POC1B: variants seen among roughly 807,000 people sequenced by gnomAD.
POC1B encodes POC1 centriolar protein B.
POC1B carries 44 observed loss-of-function variants against 60.6 expected under a neutral mutation model. The ratio of observed to expected loss-of-function variants is 0.73; its 90% CI spans 0.57 to 0.93. The LOEUF (loss-of-function observed/expected upper bound fraction) is 0.93, where lower values mean the gene tolerates loss of function less well. POC1B is among the 40% of genes least tolerant of loss of function. POC1B has a pLI of 0.00. For synonymous variants in POC1B, 180 were observed against 198.9 expected (o/e 0.90, Z 0.80); for missense variants, 555 against 572.3 (o/e 0.97, Z 0.31).
At chr12:89,475,174 G>A (rs1369200613) in intron 4 of POC1B, among the ~76,000 whole-genome samples, 2 of 152,170 alleles carry the variant, frequency 1.3e-5, no homozygotes, top group African/African-American at 4.8e-5. Flanking sequence ...GCTCCATAGA[G>A]GAAACAGGAT....
chr12:89,509,179 AT>A (rs1213283686), intron 2 of POC1B, among the ~76,000 whole-genome samples: 1 of 152,142 alleles, frequency 6.6e-6, no homozygotes, highest in African/African-American at 2.4e-5. Context: ...ATTTTCCTCC[AT>A]TTATCTGTTT....
At chr12:89,488,643 C>T (rs1336581501) in intron 4 of POC1B, among the ~76,000 whole-genome samples, 14 of 152,040 alleles carry the variant, frequency 9.2e-5, no homozygotes, top group Admixed American at 5.2e-4. Context: ...CCTGCCACCA[C>T]GCCCAGCTAA....
rs545293287 is a variant in POC1B, at chr12:89,503,508, C to T, written c.101-6166G>A. Among the ~76,000 whole-genome samples the T allele has an allele frequency of 3.0e-3, 460 of 152,302 alleles. 4 individuals carry two copies. Among genetic ancestry groups the T allele is most frequent in the African/African-American group, 0.011 (450 of 41,564 alleles). On this transcript the variant is annotated intron_variant, in intron 2 of 11. Transcript: ENST00000313546. Reference sequence around the variant, plus strand: ...CGCCTGCCTTGGCCTCCCAAAGTGCCAAGACTGCAGCCTCTGCCTGGCTGC... The same window carrying T: ...CGCCTGCCTTGGCCTCCCAAAGTGCTAAGACTGCAGCCTCTGCCTGGCTGC...
At chr12:89,494,834 G>A (rs978402946) in intron 3 of POC1B, among the ~76,000 whole-genome samples, 11 of 152,194 alleles carry the variant, frequency 7.2e-5, no homozygotes, top group Non-Finnish European at 1.5e-4. Context: ...CCAGGCATAC[G>A]AATGAGGAAC....
intron 2 of POC1B, chr12:89,519,585 C>T (rs758222289): frequency 7.9e-5 from 12 of 152,450 alleles, no homozygotes; most frequent in Non-Finnish European, 1.2e-4. Flanking sequence ...AACAGGAATT[C>T]AAAAGGACAA....
rs1397699394 is a variant in POC1B at position 89,526,030 on chromosome 12, A to T, written c.-135T>A. ...AGCGGCAGCGCCTCCCGGTCACTAC[A>T]ACAACGGCGGCCCAGTCAAACCCCG... is the stretch of plus-strand genomic sequence containing the variant. On this transcript the variant is annotated 5_prime_UTR_variant, in exon 1 of 12. Transcript: ENST00000313546. The T allele has an allele frequency of 1.3e-6, 2 of 1,535,630 alleles. No homozygotes were observed. Among genetic ancestry groups the T allele is most frequent in the African/African-American group, 1.4e-5 (1 of 72,912 alleles).
At chr12:89,467,770 C>A in intron 7 of POC1B, 85 bp from the exon 8 acceptor site, 2 of 1,034,804 alleles carry the variant, frequency 1.9e-6, no homozygotes, top group East Asian at 2.6e-5. Context: ...AATTTCTCAT[C>A]CTAATTTATG....
intron 2 of POC1B, among the ~76,000 whole-genome samples, chr12:89,510,155 G>GT (rs1479447244): frequency 1.3e-5 from 2 of 152,022 alleles, no homozygotes; most frequent in Admixed American, 6.5e-5. Context: ...AGCCTGTTTC[G>GT]TTTTTTTAAC....
chr12:89,462,398 A>G (rs903743888), intron 9 of POC1B, among the ~76,000 whole-genome samples: 1 of 152,162 alleles, frequency 6.6e-6, no homozygotes, highest in Non-Finnish European at 1.5e-5. Flanking sequence ...TATAACTGGG[A>G]CTAATGAATG....
At chr12:89,421,330 A>T in intron 11 of POC1B, 73 bp from the exon 12 acceptor site, 1 of 1,273,322 alleles carries the variant, frequency 7.9e-7, no homozygotes, top group Non-Finnish European at 1.1e-6. Context: ...ATCTCTGCAT[A>T]GGAAATCCTT....
intron 3 of POC1B, 194 bp downstream of exon 3, chr12:89,496,977 T>G (rs527305245): frequency 3.4e-5 from 20 of 595,990 alleles, no homozygotes; most frequent in African/African-American, 3.3e-4. Context: ...TGGTAGGAAA[T>G]AGTTTTCAAA....
rs192364698 is a variant in POC1B, at chr12:89,451,602, G to A, written c.1113+8036C>T. 3.1e-3 allele frequency among the ~76,000 whole-genome samples: 473 copies of A among 152,250 alleles called. 2 individuals carry two copies. The Middle Eastern group carries it at 0.037, about 12-fold the overall frequency. On this transcript the variant is annotated intron_variant, in intron 10 of 11. Coordinates refer to ENST00000313546, the MANE Select transcript of POC1B (RefSeq NM_172240.3). Reference sequence around the variant, plus strand: ...TGAAAGACATGGAAAGAACTAGGCCGGGACCAGCACTGGGCCTTAATAACC... The same window carrying A: ...TGAAAGACATGGAAAGAACTAGGCCAGGACCAGCACTGGGCCTTAATAACC...
intron 3 of POC1B, chr12:89,496,967 T>G: frequency 1.8e-6 from 1 of 560,622 alleles, no homozygotes; most frequent in Non-Finnish European, 3.1e-6. Context: ...CATATTTCCA[T>G]GGTAGGAAAT....
chr12:89,437,127 C>T (rs1434384842), intron 10 of POC1B, among the ~76,000 whole-genome samples: 3 of 152,182 alleles, frequency 2.0e-5, no homozygotes, highest in Non-Finnish European at 2.9e-5. Flanking sequence ...CTCGATCAGA[C>T]AGTTGTCACC....
At chr12:89,501,574 G>A (rs775136561) in intron 2 of POC1B, 57 of 1,357,888 alleles carry the variant, frequency 4.2e-5, no homozygotes, top group Non-Finnish European at 5.6e-5. Flanking sequence ...CACTAGAAAA[G>A]ATAAGGAAGA....
At chr12:89,493,160 T>C (rs1869068787) in intron 3 of POC1B, among the ~76,000 whole-genome samples, 1 of 152,212 alleles carries the variant, frequency 6.6e-6, no homozygotes, top group African/African-American at 2.4e-5. Context: ...TTTCTCAGGC[T>C]GGACTATTTT....
chr12:89,468,812 C>T (rs145026391), intron 7 of POC1B, among the ~76,000 whole-genome samples: 117 of 152,182 alleles, frequency 7.7e-4, no homozygotes, highest in African/African-American at 2.7e-3. Flanking sequence ...GAAAAAGAAA[C>T]TCTTCTCTTC....
At chr12:89,403,963 T>G in the POC1B span, among the ~76,000 whole-genome samples, 1 of 152,092 alleles carries the variant, frequency 6.6e-6, no homozygotes, top group African/African-American at 2.4e-5. Flanking sequence ...GGAAACCCTG[T>G]CTCTACTAAA....
chr12:89,515,419 A>G (rs528841516), intron 2 of POC1B, among the ~76,000 whole-genome samples: 8 of 152,138 alleles, frequency 5.3e-5, no homozygotes, highest in African/African-American at 1.9e-4. Context: ...ACAGGCATGC[A>G]CCACTGTGCT....
Sources: gnomAD v4.1 joint callset for allele counts (sites outside exome capture counted in the v4.1 genomes callset) on GRCh38, gnomAD v4.1.1 for gene constraint, MANE v1.5 for transcripts, NCBI Gene and HGNC (gene_info 2026-07-23, HGNC 2026-07-21) for gene names.